The following N4BP2 variants were observed in gnomAD, a reference collection of about 807,000 sequenced individuals.
The protein encoded by N4BP2 is NEDD4 binding protein 2, also known as NEDD4-binding protein 2.
A neutral mutation model predicts 152.8 loss-of-function variants in N4BP2; 91 were observed. The ratio of observed to expected loss-of-function variants is 0.60; its 90% CI spans 0.50 to 0.71. The LOEUF (loss-of-function observed/expected upper bound fraction) is 0.71. N4BP2 is among the 30% of genes least tolerant of loss of function. N4BP2 has a pLI of 0.00. For missense variants in N4BP2, 1,923 were observed against 2,059.1 expected (o/e 0.93, Z 1.28); for synonymous variants, 646 against 705.3 (o/e 0.92, Z 1.33).
chr4:40,160,911 T>C (rs183377650), downstream of N4BP2, among the ~76,000 whole-genome samples: 1 of 152,238 alleles, frequency 6.6e-6, no homozygotes, highest in Non-Finnish European at 1.5e-5. Flanking sequence ...ACTTAAAGAC[T>C]AAGACACTCC....
intron 14 of N4BP2, among the ~76,000 whole-genome samples, chr4:40,138,099 T>G (rs794009): frequency 0.76 from 116,088 of 152,092 alleles, 44,666 homozygotes; most frequent in East Asian, 0.97. Context: ...CTGCAAAAAT[T>G]CCAGTGGCAG....
chr4:40,183,539 T>G, the N4BP2 span, among the ~76,000 whole-genome samples: 3 of 152,190 alleles, frequency 2.0e-5, no homozygotes, highest in South Asian at 6.2e-4. Context: ...GGTTTCACCA[T>G]GTTAGCCAGG....
chr4:40,131,798 T>G lies in N4BP2; in HGVS notation c.4528-3T>G. On this transcript the variant is annotated splice_polypyrimidine_tract_variant and splice_region_variant and intron_variant, in intron 12 of 17. Coordinates refer to ENST00000261435, the MANE Select transcript of N4BP2 (RefSeq NM_018177.6). ...GAACATGATTTTTATGTTTTTGTTT[T>G]AGAAAAGGGAGACCCTTATGTTTGA... 6.2e-7 allele frequency: 1 copy of G among 1,600,706 alleles called. No homozygotes were observed. Among genetic ancestry groups the G allele is most frequent in the Non-Finnish European group, 8.6e-7 (1 of 1,169,390 alleles).
In N4BP2 at chr4:40,157,124, C is replaced by A. The variant is rs1346410171; in HGVS notation, c.*2887C>A. The A allele has an allele frequency of 6.6e-6, 1 of 152,032 alleles. No individual in the cohort carries two copies. Among genetic ancestry groups the A allele is most frequent in the Admixed American group, 6.6e-5 (1 of 15,262 alleles). 9.4% of individuals were successfully genotyped at this position (152,032 alleles called of 1,614,324 possible). A position where few individuals can be genotyped will look rare whatever the true frequency, so the allele number is the denominator to read the frequency against. On this transcript the variant is annotated 3_prime_UTR_variant, in exon 18 of 18. Coordinates refer to ENST00000261435, the MANE Select transcript of N4BP2 (RefSeq NM_018177.6). ...CTAATGTGGAAACCCCAGAGGGTGT[C>A]CAGTTGGACCAGGGAGATATTAGAC...
rs1717713981 is a variant in N4BP2 at position 40,120,033 on chromosome 4, C to T, written c.1922C>T (p.Thr641Ile). Residue 641 changes from threonine to isoleucine, a missense_variant, in exon 9 of 18, where the codon ACC becomes ATC. Thr to Ile is a moderately conservative substitution (Grantham distance 89). Transcript: ENST00000261435. ...EFTEEKNLDV[T>I]KETMLPENVA... ...ACTGAAGAGAAGAATCTTGATGTAA[C>T]CAAAGAAACAATGTTACCTGAGAAT... 2 of 1,602,830 alleles carry T rather than the reference C, an allele frequency of 1.2e-6. No individual in the cohort carries two copies. Among genetic ancestry groups the T allele is most frequent in the Admixed American group, 1.7e-5 (1 of 59,514 alleles).
the N4BP2 span, among the ~76,000 whole-genome samples, chr4:40,164,873 CAATT>C: frequency 1.3e-5 from 2 of 152,160 alleles, no homozygotes; most frequent in Non-Finnish European, 2.9e-5. Context: ...TTTATTTAAA[CAATT>C]AAAGGCAACT....
downstream of N4BP2, among the ~76,000 whole-genome samples, chr4:40,160,740 AAC>A (rs1231368296): frequency 6.6e-6 from 1 of 152,210 alleles, no homozygotes; most frequent in Non-Finnish European, 1.5e-5. Context: ...GAAAATACTA[AAC>A]ACACACTAAA....
intron 1 of N4BP2, among the ~76,000 whole-genome samples, chr4:40,066,299 G>A (rs1294970210): frequency 7.0e-6 from 1 of 143,730 alleles, no homozygotes; most frequent in Non-Finnish European, 1.5e-5. Flanking sequence ...CATTTCTCAG[G>A]ATTTCTATTT....
At chr4:40,132,462 C>G (rs1456126993) in intron 13 of N4BP2, among the ~76,000 whole-genome samples, 1 of 152,096 alleles carries the variant, frequency 6.6e-6, no homozygotes, top group Admixed American at 6.5e-5. Context: ...TTTAACTTGT[C>G]TTTCCAAATG....
intron 1 of N4BP2, among the ~76,000 whole-genome samples, chr4:40,064,581 T>C (rs1305659774): frequency 1.3e-5 from 2 of 151,904 alleles, no homozygotes; most frequent in African/African-American, 4.8e-5. Flanking sequence ...CAATAACAAG[T>C]ATTTATTGAG....
chr4:40,160,039 C>T (rs1404091407), downstream of N4BP2, among the ~76,000 whole-genome samples: 1 of 151,954 alleles, frequency 6.6e-6, no homozygotes, highest in South Asian at 2.1e-4. Flanking sequence ...AGGCTGGTCT[C>T]GAATTCCTGA....
At position 40,100,027 on chromosome 4, in the gene N4BP2, C is replaced by T. The variant is rs376882257; in HGVS notation, c.230-2048C>T. 218 of 450,580 alleles carry T rather than the reference C, an allele frequency of 4.8e-4. 3 individuals carry two copies. The highest frequency in any genetic ancestry group is 3.4e-3 in the South Asian group (217 of 64,270). The allele number at this position is 450,580 out of a possible 1,614,324, so 27.9% of individuals were successfully genotyped here. ...CCCCCTCCAATCCCTCTTTGTTTTTCTTCTTAAGGGAACTTAATTGGGTGC... is the reference window on the plus strand; with the variant it reads ...CCCCCTCCAATCCCTCTTTGTTTTTTTTCTTAAGGGAACTTAATTGGGTGC... On this transcript the variant is annotated intron_variant, in intron 3 of 17. Coordinates refer to ENST00000261435, the MANE Select transcript of N4BP2 (RefSeq NM_018177.6).
chr4:40,153,215 A>T (rs938268811), intron 17 of N4BP2, among the ~76,000 whole-genome samples: 1 of 152,220 alleles, frequency 6.6e-6, no homozygotes, highest in African/African-American at 2.4e-5. Flanking sequence ...TCTATCATAA[A>T]TTTAAAGTTC....
At chr4:40,182,598 C>T in the N4BP2 span, among the ~76,000 whole-genome samples, 2 of 151,980 alleles carry the variant, frequency 1.3e-5, no homozygotes, top group Admixed American at 6.6e-5. Context: ...TACAGGTGCA[C>T]GCCACCATGC....
intron 16 of N4BP2, among the ~76,000 whole-genome samples, chr4:40,150,285 TG>T (rs1721028413): frequency 1.3e-5 from 2 of 152,208 alleles, no homozygotes; most frequent in Non-Finnish European, 2.9e-5. Flanking sequence ...CCTTTAGAAC[TG>T]ACTACCATTT....
At chr4:40,111,621 G>A (rs1024369441) in intron 5 of N4BP2, among the ~76,000 whole-genome samples, 2 of 150,344 alleles carry the variant, frequency 1.3e-5, no homozygotes, top group African/African-American at 2.5e-5. Context: ...GCCCGGCCTT[G>A]TTTTGTATTT....
intron 3 of N4BP2, among the ~76,000 whole-genome samples, chr4:40,099,258 T>C (rs1490183895): frequency 2.0e-5 from 3 of 152,212 alleles, no homozygotes; most frequent in African/African-American, 7.2e-5. Context: ...TTTTTGTTTT[T>C]TGAGACGGAG....
the N4BP2 span, among the ~76,000 whole-genome samples, chr4:40,177,828 G>A: frequency 6.6e-6 from 1 of 152,062 alleles, no homozygotes; most frequent in Admixed American, 6.6e-5. Context: ...CACATGCAGG[G>A]CTCTTTAGGG....
At chr4:40,110,881 G>T (rs1716813189) in intron 5 of N4BP2, among the ~76,000 whole-genome samples, 1 of 152,096 alleles carries the variant, frequency 6.6e-6, no homozygotes, top group Non-Finnish European at 1.5e-5. Context: ...CTTCATTAGT[G>T]AGTTGTTAGA....
Sources: allele counts gnomAD v4.1 joint callset (sites outside exome capture counted in the v4.1 genomes callset), GRCh38; gene constraint gnomAD v4.1.1; transcripts MANE v1.5; gene names NCBI Gene and HGNC (gene_info 2026-07-23, HGNC 2026-07-21).